The following CHL1 variants were observed in gnomAD, a reference collection of about 807,000 sequenced individuals.
CHL1 encodes the protein cell adhesion molecule L1 like.
Under a neutral mutation model 141.9 loss-of-function variants are expected in CHL1, and 96 were observed. The observed-to-expected ratio is 0.68, with a 90% CI of 0.57 to 0.80. The LOEUF (loss-of-function observed/expected upper bound fraction) is 0.80, where lower values mean the gene tolerates loss of function less well. Among genes scored for constraint, CHL1 ranks in the 30% least tolerant of loss-of-function variants. CHL1 has a pLI of 0.00. For missense variants in CHL1, 1,820 were observed against 1,457.2 expected (o/e 1.25, Z -4.05); for synonymous variants, 613 against 502.2 (o/e 1.22, Z -2.95).
intron 15 of CHL1, among the ~76,000 whole-genome samples, chr3:367,830 C>A (rs888767064): frequency 9.9e-5 from 15 of 152,032 alleles, no homozygotes; most frequent in Non-Finnish European, 1.9e-4. Context: ...GTGTGATTCA[C>A]CTCTCTGTGT....
chr3:377,963 G>C (rs765906664), intron 16 of CHL1, 21 bp downstream of exon 16: 8 of 1,581,188 alleles, frequency 5.1e-6, no homozygotes, highest in African/African-American at 1.4e-5. Flanking sequence ...TAACTAATGA[G>C]AAATCTGTTC....
intron 3 of CHL1, among the ~76,000 whole-genome samples, chr3:321,613 C>G (rs1450887400): frequency 6.6e-6 from 1 of 152,088 alleles, no homozygotes; most frequent in Non-Finnish European, 1.5e-5. Flanking sequence ...TTCATCATTT[C>G]TTACTTTGTC....
chr3:264,600 C>G (rs1695006259), intron 2 of CHL1, among the ~76,000 whole-genome samples: 1 of 152,172 alleles, frequency 6.6e-6, no homozygotes, highest in Non-Finnish European at 1.5e-5. Flanking sequence ...GAAGTAAATT[C>G]TCACTTCCTG....
intron 19 of CHL1, among the ~76,000 whole-genome samples, chr3:387,711 G>A (rs1255077713): frequency 1.3e-5 from 2 of 152,050 alleles, no homozygotes; most frequent in African/African-American, 4.8e-5. Flanking sequence ...TAATTCACTG[G>A]GACAATGCTA....
At chr3:240,300 C>T (rs1390019054) in intron 1 of CHL1, among the ~76,000 whole-genome samples, 2 of 152,112 alleles carry the variant, frequency 1.3e-5, no homozygotes, top group Non-Finnish European at 2.9e-5. Flanking sequence ...TTGCAGGAGT[C>T]AGGTGGTACA....
intron 2 of CHL1, among the ~76,000 whole-genome samples, chr3:319,379 G>A (rs549045389): frequency 7.3e-5 from 11 of 151,602 alleles, no homozygotes; most frequent in African/African-American, 2.7e-4. Flanking sequence ...TAAAATAGAA[G>A]TTGAGAATAA....
intron 1 of CHL1, among the ~76,000 whole-genome samples, chr3:225,792 G>C (rs759756443): frequency 6.6e-6 from 1 of 151,996 alleles, no homozygotes; most frequent in African/African-American, 2.4e-5. Context: ...GGCAGATCAC[G>C]AGGTCAGGAG....
intron 2 of CHL1, among the ~76,000 whole-genome samples, chr3:285,829 G>A (rs1363906659): frequency 1.3e-5 from 2 of 151,808 alleles, no homozygotes; most frequent in Non-Finnish European, 2.9e-5. Context: ...TATGATCACT[G>A]CTAATTATGA....
At chr3:370,992 T>C (rs1168267483) in intron 15 of CHL1, among the ~76,000 whole-genome samples, 1 of 152,188 alleles carries the variant, frequency 6.6e-6, no homozygotes, top group African/African-American at 2.4e-5. Flanking sequence ...TTACGGTTTT[T>C]TGTATTTGCT....
At chr3:363,114 G>A in intron 13 of CHL1, 103 bp from the exon 14 acceptor site, 1 of 898,762 alleles carries the variant, frequency 1.1e-6, no homozygotes, top group Middle Eastern at 2.3e-4. Context: ...GGTTTTCTGA[G>A]CTATTGAAAG....
Position 239,289 on chromosome 3 carries a change from A to G in CHL1, c.-174-5324A>G, listed in dbSNP as rs540740192. Among the ~76,000 whole-genome samples, 65 of 152,322 alleles carry G rather than the reference A, an allele frequency of 4.3e-4. No individual in the cohort carries two copies. The South Asian group carries it at 0.013, about 31-fold the overall frequency. On this transcript the variant is annotated intron_variant, in intron 1 of 27. Coordinates refer to ENST00000256509, the MANE Select transcript of CHL1 (RefSeq NM_006614.4). ...ACCATTCCTCCAAGCCATTCTGCAA[A>G]ACAGATACTATTATCCCTTATTTAC...
Position 383,905 on chromosome 3 carries a change from G to T in CHL1, c.2247+19G>T, listed in dbSNP as rs377426665. On this transcript the variant is annotated intron_variant, in intron 19 of 27. Transcript: ENST00000256509. The stretch of plus-strand genomic sequence containing the variant: ...GTGGGAGGTGTGTATTTCTTAATAC[G>T]TTATGTATTTCTTTGTGCTTTTCTC... 2.6e-6 allele frequency: 4 copies of T among 1,550,294 alleles called. No homozygotes were observed. The highest frequency in any genetic ancestry group is 1.8e-4 in the Middle Eastern group (1 of 5,506).
intron 2 of CHL1, among the ~76,000 whole-genome samples, chr3:319,300 T>C: frequency 6.6e-6 from 1 of 151,720 alleles, no homozygotes; most frequent in Admixed American, 6.6e-5. Flanking sequence ...GATGGAATCA[T>C]GTATACACCA....
chr3:326,669 GA>G (rs979568486), intron 4 of CHL1, among the ~76,000 whole-genome samples: 3 of 151,682 alleles, frequency 2.0e-5, no homozygotes, highest in Non-Finnish European at 2.9e-5. Context: ...TGGGGAGGAA[GA>G]AAAAAATGTG....
chr3:328,795 G>A (rs966547426), intron 5 of CHL1, among the ~76,000 whole-genome samples: 1 of 152,130 alleles, frequency 6.6e-6, no homozygotes, highest in Non-Finnish European at 1.5e-5. Flanking sequence ...TTCTGTGGTT[G>A]CCTCTTGTGA....
At chr3:205,454 C>A (rs914233373) in intron 1 of CHL1, among the ~76,000 whole-genome samples, 2 of 152,052 alleles carry the variant, frequency 1.3e-5, no homozygotes, top group African/African-American at 4.8e-5. Context: ...CATTGTATAA[C>A]TGATAGTGAA....
intron 15 of CHL1, among the ~76,000 whole-genome samples, chr3:368,253 G>C (rs948848704): frequency 2.0e-5 from 3 of 152,132 alleles, no homozygotes; most frequent in Admixed American, 6.5e-5. Context: ...AGCCTCACCA[G>C]CATCTGTTGT....
At chr3:326,213 A>G (rs1475234261) in intron 4 of CHL1, 149 bp downstream of exon 4, 1 of 500,020 alleles carries the variant, frequency 2.0e-6, no homozygotes, top group Non-Finnish European at 3.5e-6. Context: ...TGCAAACAAA[A>G]AAAAAATTTG....
chr3:362,179 G>A (rs774928235), intron 13 of CHL1, among the ~76,000 whole-genome samples: 1 of 152,124 alleles, frequency 6.6e-6, no homozygotes, highest in Non-Finnish European at 1.5e-5. Context: ...ATCTAAGCTC[G>A]AATTTAATTC....
Sources: allele counts gnomAD v4.1 joint callset (sites outside exome capture counted in the v4.1 genomes callset), GRCh38; gene constraint gnomAD v4.1.1; transcripts MANE v1.5; gene names NCBI Gene and HGNC (gene_info 2026-07-23, HGNC 2026-07-21).